Variants in GPD1L observed in about 807,000 individuals in gnomAD.
GPD1L encodes glycerol-3-phosphate dehydrogenase 1 like.
Under a neutral mutation model 32.9 loss-of-function variants are expected in GPD1L, and 17 were observed. The observed-to-expected ratio is 0.52, with a 90% CI of 0.35 to 0.78. GPD1L has a LOEUF of 0.78. Among genes scored for constraint, GPD1L ranks in the 30% least tolerant of loss-of-function variants. The probability of loss-of-function intolerance (pLI) is 0.01; values close to 1 mark genes in which losing one functional copy is unlikely to be tolerated. For synonymous variants in GPD1L, 187 were observed against 165.9 expected, an observed-to-expected ratio of 1.13 and a Z score of -0.98; for missense variants, 361 against 447.8, an observed-to-expected ratio of 0.81 and a Z score of 1.75.
intron 4 of GPD1L, among the ~76,000 whole-genome samples, chr3:32,144,246 G>GTTT (rs894707725): frequency 6.6e-5 from 10 of 152,160 alleles, no homozygotes; most frequent in Non-Finnish European, 1.3e-4. Context: ...TTCTGTGGAG[G>GTTT]GAAAAGATAG....
In GPD1L at chr3:32,166,815, C is replaced by G. The variant is rs1307203016; in HGVS notation, c.*905C>G. 4 of 152,346 alleles carry G rather than the reference C, an allele frequency of 2.6e-5. No individual in the cohort carries two copies. Among genetic ancestry groups the G allele is most frequent in the Non-Finnish European group, 5.9e-5 (4 of 68,094 alleles). The allele number at this position is 152,346 out of a possible 1,614,324, so 9.4% of individuals were successfully genotyped here. A position where few individuals can be genotyped will look rare whatever the true frequency, so the allele number is the denominator to read the frequency against. ...GTGCAGTGCCAAGGTGCATGACCCT[C>G]TGAGAAGTCACTGGGCTGATTTGAC... On this transcript the variant is annotated 3_prime_UTR_variant, in exon 8 of 8. Coordinates refer to ENST00000282541, the MANE Select transcript of GPD1L (RefSeq NM_015141.4).
At chr3:32,138,809 T>G (rs113776126) in intron 3 of GPD1L, 82 bp downstream of exon 3, 1 of 1,432,056 alleles carries the variant, frequency 7.0e-7, no homozygotes, top group Non-Finnish European at 9.8e-7. Flanking sequence ...TGCTTGAGAT[T>G]TGGAGCTGAA....
chr3:32,128,439 C>A (rs1700544312), intron 2 of GPD1L, among the ~76,000 whole-genome samples, 186 bp downstream of exon 2: 1 of 152,130 alleles, frequency 6.6e-6, no homozygotes, highest in African/African-American at 2.4e-5. Context: ...GCTAAGGATG[C>A]CTTAACAAAG....
Position 32,167,416 on chromosome 3 carries a change from C to T in GPD1L, c.*1506C>T, listed in dbSNP as rs140250795. The T allele has an allele frequency of 5.6e-3, 853 of 152,726 alleles. 1 individual carries two copies. The highest frequency in any genetic ancestry group is 8.8e-3 in the Non-Finnish European group (600 of 68,036). 9.5% of individuals were successfully genotyped at this position (152,726 alleles called of 1,614,324 possible). A position where few individuals can be genotyped will look rare whatever the true frequency, so the allele number is the denominator to read the frequency against. ...ACTCAAGTAGACCCTTCACTCCCTG[C>T]GAGAAATTAGGATGAATAACTACCT... On this transcript the variant is annotated 3_prime_UTR_variant, in exon 8 of 8. Coordinates refer to ENST00000282541, the MANE Select transcript of GPD1L (RefSeq NM_015141.4).
rs1025256336 is a variant in GPD1L at position 32,168,536 on chromosome 3, G to A, written c.*2626G>A. 3 of 152,654 alleles carry A rather than the reference G, an allele frequency of 2.0e-5. No homozygotes were observed. In the East Asian group the frequency reaches 5.8e-4, roughly 29 times the overall value. 9.5% of individuals were successfully genotyped at this position (152,654 alleles called of 1,614,324 possible). ...CTTTTGACTACAGCATGGCCCCATG[G>A]CATCCACACCAAGAGGGTGTTGTGA... On this transcript the variant is annotated 3_prime_UTR_variant, in exon 8 of 8. Coordinates refer to ENST00000282541, the MANE Select transcript of GPD1L (RefSeq NM_015141.4).
chr3:32,123,061 G>A (rs1700445233), intron 1 of GPD1L, among the ~76,000 whole-genome samples: 1 of 151,932 alleles, frequency 6.6e-6, no homozygotes, highest in South Asian at 2.1e-4. Flanking sequence ...CAGCCGCCAT[G>A]CCCAGCTAAT....
At chr3:32,148,405 A>G (rs1222920037) in intron 5 of GPD1L, among the ~76,000 whole-genome samples, 1 of 152,178 alleles carries the variant, frequency 6.6e-6, no homozygotes, top group Non-Finnish European at 1.5e-5. Flanking sequence ...CTTGATGGAA[A>G]GGGATTCATG....
chr3:32,137,710 G>A (rs999756900), intron 2 of GPD1L, among the ~76,000 whole-genome samples: 4 of 152,182 alleles, frequency 2.6e-5, no homozygotes, highest in Admixed American at 6.5e-5. Context: ...GAGTCCGCAC[G>A]GCATGCCTTC....
rs1700597927 is a variant in GPD1L, at chr3:32,132,369, T to A, written c.225+4116T>A. ...AGTGGTGAGGAAGAACAAACCAGGA[T>A]GAAGAGTTTTGTTTCAGTGCTTTTT... is the stretch of plus-strand genomic sequence containing the variant. On this transcript the variant is annotated intron_variant, in intron 2 of 7. Coordinates refer to ENST00000282541, the MANE Select transcript of GPD1L (RefSeq NM_015141.4). Among the ~76,000 whole-genome samples, 2 of 152,192 alleles carry A rather than the reference T, an allele frequency of 1.3e-5. 1 individual carries two copies. The highest frequency in any genetic ancestry group is 4.1e-4 in the South Asian group (2 of 4,838).
chr3:32,152,118 A>G (rs534559432), intron 5 of GPD1L, among the ~76,000 whole-genome samples: 112 of 152,304 alleles, frequency 7.4e-4, no homozygotes, highest in African/African-American at 2.6e-3. Context: ...ATTTGAAAAT[A>G]CAAAATGCTC....
chr3:32,121,771 A>G (rs1436593685), intron 1 of GPD1L, among the ~76,000 whole-genome samples: 1 of 136,566 alleles, frequency 7.3e-6, no homozygotes, highest in African/African-American at 2.8e-5. Flanking sequence ...ATATTTCTAT[A>G]TATATATATA....
chr3:32,158,819 A>G, intron 5 of GPD1L, 57 bp from the exon 6 acceptor site: 4 of 1,585,450 alleles, frequency 2.5e-6, no homozygotes, highest in African/African-American at 1.3e-5. Flanking sequence ...CACCTCTGGC[A>G]TCCATACCCG....
At chr3:32,140,169 A>C (rs775149433) in intron 3 of GPD1L, 59 bp from the exon 4 acceptor site, 30 of 1,574,960 alleles carry the variant, frequency 1.9e-5, no homozygotes, top group Non-Finnish European at 2.6e-5. Context: ...GACATCTACT[A>C]TCCCATGCCT....
chr3:32,147,030 C>CA (rs1200008859), intron 5 of GPD1L, among the ~76,000 whole-genome samples: 1 of 152,204 alleles, frequency 6.6e-6, no homozygotes, highest in Non-Finnish European at 1.5e-5. Context: ...GACAGGGTTT[C>CA]ACCCAGGAGC....
In GPD1L at chr3:32,146,083, C is replaced by CT. The variant is rs59106750; in HGVS notation, c.506-518dup. On this transcript the variant is annotated intron_variant, in intron 4 of 7. Coordinates refer to ENST00000282541, the MANE Select transcript of GPD1L (RefSeq NM_015141.4). Reference sequence around the variant, plus strand: ...TACTTGTTGACAATCATGCTTTTTTCTTTTTTTTTTTTTTTTTTTTTGAGA... The same window carrying CT: ...TACTTGTTGACAATCATGCTTTTTTCTTTTTTTTTTTTTTTTTTTTTTGAGA... 4.7e-3 allele frequency among the ~76,000 whole-genome samples: 598 copies of CT among 126,120 alleles called. 4 individuals carry two copies. The highest frequency in any genetic ancestry group is 6.6e-3 in the Non-Finnish European group (398 of 60,526). 82.7% of individuals were successfully genotyped at this position (126,120 alleles called of 152,430 possible).
rs187377437 is a variant in GPD1L at position 32,136,706 on chromosome 3, C to T, written c.226-1881C>T. Among the ~76,000 whole-genome samples the T allele has an allele frequency of 3.7e-4, 56 of 152,298 alleles. 2 individuals carry two copies. The South Asian group carries it at 0.011, about 31-fold the overall frequency. ...CAAAGAACAAGAGACTTGTCTTCCT[C>T]TCACATAGAAATACTCCAGTGGTTT... On this transcript the variant is annotated intron_variant, in intron 2 of 7. Transcript: ENST00000282541.
At chr3:32,150,219 G>T (rs1278177394) in intron 5 of GPD1L, among the ~76,000 whole-genome samples, 2 of 152,148 alleles carry the variant, frequency 1.3e-5, no homozygotes, top group Non-Finnish European at 2.9e-5. Context: ...GCACTCTTTT[G>T]TGTCTGGCTT....
At chr3:32,149,179 C>T (rs1233489728) in intron 5 of GPD1L, among the ~76,000 whole-genome samples, 1 of 152,176 alleles carries the variant, frequency 6.6e-6, no homozygotes, top group East Asian at 1.9e-4. Context: ...CCCACCTCTG[C>T]CTCCTGAGTA....
chr3:32,131,261 T>C (rs900578034), intron 2 of GPD1L, among the ~76,000 whole-genome samples: 1 of 152,194 alleles, frequency 6.6e-6, no homozygotes, highest in Non-Finnish European at 1.5e-5. Context: ...AAAAACTGCT[T>C]CACTGAGATA....
Sources: gnomAD v4.1 joint callset for allele counts (sites outside exome capture counted in the v4.1 genomes callset) on GRCh38, gnomAD v4.1.1 for gene constraint, MANE v1.5 for transcripts, NCBI Gene and HGNC (gene_info 2026-07-23, HGNC 2026-07-21) for gene names.